STX3: variants seen among roughly 807,000 people sequenced by gnomAD.
STX3 encodes syntaxin 3.
In STX3, 19 loss-of-function variants were observed where a neutral mutation model predicts 40.2. The ratio of observed to expected loss-of-function variants is 0.47; its 90% CI spans 0.33 to 0.69. STX3 has a LOEUF of 0.69. Ranked by LOEUF, STX3 falls within the 30% of genes least tolerant of loss-of-function variation. STX3 has a pLI of 0.02. For missense variants in STX3, 364 were observed against 366.7 expected (o/e 0.99, Z 0.06); for synonymous variants, 122 against 132.2 (o/e 0.92, Z 0.53).
At chr11:59,759,876 A>G (rs938563829) in intron 1 of STX3, among the ~76,000 whole-genome samples, 1 of 152,248 alleles carries the variant, frequency 6.6e-6, no homozygotes, top group Non-Finnish European at 1.5e-5. Context: ...TTAATTTGTT[A>G]ATAAATATTT....
At chr11:59,758,109 G>A (rs962796020) in intron 1 of STX3, among the ~76,000 whole-genome samples, 1 of 152,158 alleles carries the variant, frequency 6.6e-6, no homozygotes, top group Admixed American at 6.5e-5. Flanking sequence ...CCGTGCCTGT[G>A]ATTGACTTTG....
At chr11:59,782,945 G>A (rs1002000125) in intron 2 of STX3, among the ~76,000 whole-genome samples, 1 of 151,776 alleles carries the variant, frequency 6.6e-6, no homozygotes, top group Non-Finnish European at 1.5e-5. Context: ...GTTGCAGTGA[G>A]CCAAGATCAT....
At chr11:59,784,004 A>C (rs769775302) in intron 2 of STX3, among the ~76,000 whole-genome samples, 29 of 152,140 alleles carry the variant, frequency 1.9e-4, no homozygotes, top group Admixed American at 3.9e-4. Context: ...GAAGTCCCGT[A>C]GGCAGGTTGC....
intron 2 of STX3, among the ~76,000 whole-genome samples, chr11:59,782,389 A>G (rs1240536407): frequency 6.6e-6 from 1 of 152,172 alleles, no homozygotes; most frequent in Non-Finnish European, 1.5e-5. Flanking sequence ...GGCATATGAC[A>G]AATGTGCAGT....
chr11:59,778,335 C>T (rs1401153852), intron 2 of STX3, among the ~76,000 whole-genome samples: 1 of 152,108 alleles, frequency 6.6e-6, no homozygotes, highest in African/African-American at 2.4e-5. Context: ...AGGAAAACTG[C>T]CCAGATCCTC....
chr11:59,775,881 G>A lies in STX3; in HGVS notation c.114+2587G>A, dbSNP rs573562069. On this transcript the variant is annotated intron_variant, in intron 2 of 10. Coordinates refer to ENST00000337979, the MANE Select transcript of STX3 (RefSeq NM_004177.5). Reference sequence around the variant, plus strand: ...CCCCGTGAAACTTATATTTAGAGTGGAGAAGAGGGACAGCATGGGGAGGTG... The same window carrying A: ...CCCCGTGAAACTTATATTTAGAGTGAAGAAGAGGGACAGCATGGGGAGGTG... Among the ~76,000 whole-genome samples the A allele has an allele frequency of 7.9e-5, 12 of 152,336 alleles. No individual in the cohort carries two copies. The South Asian group carries it at 1.4e-3, about 18-fold the overall frequency.
chr11:59,768,991 T>G (rs2134899183), intron 1 of STX3, among the ~76,000 whole-genome samples: 1 of 152,292 alleles, frequency 6.6e-6, no homozygotes, highest in Non-Finnish European at 1.5e-5. Context: ...GTATCCATCA[T>G]CCAAATAGTA....
At chr11:59,759,995 A>G (rs1369904720) in intron 1 of STX3, among the ~76,000 whole-genome samples, 1 of 152,180 alleles carries the variant, frequency 6.6e-6, no homozygotes, top group Non-Finnish European at 1.5e-5. Flanking sequence ...ATTTCATTCA[A>G]GTCAGGATTC....
intron 2 of STX3, among the ~76,000 whole-genome samples, chr11:59,778,941 G>A (rs1864176908): frequency 6.6e-6 from 1 of 150,462 alleles, no homozygotes; most frequent in African/African-American, 2.5e-5. Context: ...GGGTTCAAGC[G>A]ATTTTCCTGC....
intron 4 of STX3, 136 bp downstream of exon 4, chr11:59,789,083 T>C: frequency 1.4e-6 from 1 of 726,164 alleles, no homozygotes; most frequent in East Asian, 2.9e-5. Context: ...TGGTTTGGGC[T>C]CTGTCCCCGC....
chr11:59,781,595 A>G (rs1479718703), intron 2 of STX3: 78 of 1,613,754 alleles, frequency 4.8e-5, no homozygotes, highest in Non-Finnish European at 6.4e-5. Flanking sequence ...TGATGATACA[A>G]TCTGGCTTGG....
At chr11:59,757,132 A>T (rs562632608) in intron 1 of STX3, among the ~76,000 whole-genome samples, 2 of 152,122 alleles carry the variant, frequency 1.3e-5, no homozygotes, top group African/African-American at 4.8e-5. Flanking sequence ...CCCTGTTTTT[A>T]TAGATGGGGA....
At chr11:59,790,625 C>A (rs779609604) in intron 5 of STX3, 39 bp downstream of exon 5, 20 of 1,487,748 alleles carry the variant, frequency 1.3e-5, no homozygotes, top group Middle Eastern at 3.4e-4. Context: ...CTAGTCCAAT[C>A]TCTTATTGTT....
At chr11:59,778,982 C>A (rs991334318) in intron 2 of STX3, among the ~76,000 whole-genome samples, 1 of 151,980 alleles carries the variant, frequency 6.6e-6, no homozygotes, top group Non-Finnish European at 1.5e-5. Context: ...GGATTACAGG[C>A]ATCCACAACA....
intron 2 of STX3, chr11:59,781,356 A>G: frequency 6.3e-7 from 1 of 1,593,512 alleles, no homozygotes; most frequent in Non-Finnish European, 8.5e-7. Context: ...GACATTGTTC[A>G]TGACACACTC....
At chr11:59,772,965 C>A (rs979863062) in intron 1 of STX3, among the ~76,000 whole-genome samples, 1 of 132,944 alleles carries the variant, frequency 7.5e-6, no homozygotes, top group Admixed American at 8.0e-5. Context: ...CCCCTCACCC[C>A]CTGAAAGAAA....
intron 1 of STX3, among the ~76,000 whole-genome samples, chr11:59,771,706 G>T (rs1035514751): frequency 6.6e-6 from 1 of 152,066 alleles, no homozygotes; most frequent in Non-Finnish European, 1.5e-5. Context: ...CCAACTGCTT[G>T]CTTGGTCTAG....
At chr11:59,781,600 G>C (rs1864386147) in intron 2 of STX3, 1 of 1,613,720 alleles carries the variant, frequency 6.2e-7, no homozygotes, top group Admixed American at 1.7e-5. Context: ...ATACAATCTG[G>C]CTTGGCCATT....
At position 59,803,146 on chromosome 11, in the gene STX3, T is replaced by TTATC; in HGVS notation, c.*2324_*2327dup. On this transcript the variant is annotated 3_prime_UTR_variant, in exon 11 of 11. Transcript: ENST00000337979. ...CACCCTCTTCCATGTCCACATGCAC[T>TTATC]TATCTCCCTGCAGAATACTTTTTGC... 3 of 1,231,002 alleles carry TTATC rather than the reference T, an allele frequency of 2.4e-6. No homozygotes were observed. The highest frequency in any genetic ancestry group is 3.0e-6 in the Non-Finnish European group (3 of 987,542). The allele number at this position is 1,231,002 out of a possible 1,614,324, so 76.3% of individuals were successfully genotyped here. A position where few individuals can be genotyped will look rare whatever the true frequency, so the allele number is the denominator to read the frequency against.
Sources: allele counts gnomAD v4.1 joint callset (sites outside exome capture counted in the v4.1 genomes callset), GRCh38; gene constraint gnomAD v4.1.1; transcripts MANE v1.5; gene names NCBI Gene and HGNC (gene_info 2026-07-23, HGNC 2026-07-21).